The following ADGRE3 variants were observed in gnomAD, a reference collection of about 807,000 sequenced individuals.
ADGRE3 encodes EGF-like module receptor 3.
A neutral mutation model predicts 80.1 loss-of-function variants in ADGRE3; 88 were observed. That is an observed-to-expected ratio of 1.10 (90% CI 0.93 to 1.31). The LOEUF (loss-of-function observed/expected upper bound fraction) is 1.31. Ranked by LOEUF, ADGRE3 falls within the 40% of genes most tolerant of loss-of-function variation. The probability of loss-of-function intolerance (pLI) is 0.00; values close to 1 mark genes in which losing one functional copy is unlikely to be tolerated. For missense variants in ADGRE3, 715 were observed against 776.5 expected (o/e 0.92, Z 0.94); for synonymous variants, 281 against 294.8 (o/e 0.95, Z 0.48).
the ADGRE3 span, among the ~76,000 whole-genome samples, chr19:14,605,695 C>G: frequency 6.6e-6 from 1 of 152,056 alleles, no homozygotes; most frequent in Non-Finnish European, 1.5e-5. Flanking sequence ...TCTTCCCTAT[C>G]TTTTATCTCT....
intron 5 of ADGRE3, among the ~76,000 whole-genome samples, chr19:14,655,543 G>A (rs1040441120): frequency 6.6e-6 from 1 of 151,978 alleles, no homozygotes; most frequent in African/African-American, 2.4e-5. Context: ...GCAACCTCCA[G>A]CTCCTGGGTT....
intron 15 of ADGRE3, among the ~76,000 whole-genome samples, chr19:14,621,370 G>A (rs1476503905): frequency 2.6e-5 from 4 of 151,976 alleles, no homozygotes; most frequent in South Asian, 4.2e-4. Flanking sequence ...CAGGAGAATC[G>A]CTTGAACCCA....
At chr19:14,648,289 G>A (rs1016979091) in intron 7 of ADGRE3, among the ~76,000 whole-genome samples, 6 of 152,026 alleles carry the variant, frequency 3.9e-5, no homozygotes, top group African/African-American at 7.2e-5. Context: ...TGTAAGCATC[G>A]GTGATTCTGC....
In ADGRE3 at chr19:14,667,196, G is replaced by A. The variant is rs538231762; in HGVS notation, c.76+1606C>T. Reference sequence around the variant, plus strand: ...AGGAAATGTGGCTGCTGGTGGCTATGAAGTGAGACTTGGAGCAGACGGAAA... The same window carrying A: ...AGGAAATGTGGCTGCTGGTGGCTATAAAGTGAGACTTGGAGCAGACGGAAA... On this transcript the variant is annotated intron_variant, in intron 2 of 15. Transcript: ENST00000253673. Among the ~76,000 whole-genome samples the A allele has an allele frequency of 1.2e-4, 18 of 152,312 alleles. 1 individual carries two copies. In the South Asian group the frequency reaches 1.9e-3, roughly 16 times the overall value.
At chr19:14,659,031 C>CT (rs1297430774) in intron 4 of ADGRE3, among the ~76,000 whole-genome samples, 21 of 137,680 alleles carry the variant, frequency 1.5e-4, no homozygotes, top group South Asian at 6.9e-4. Context: ...TCGCACCTGG[C>CT]TTTTTTTTTC....
downstream of ADGRE3, among the ~76,000 whole-genome samples, chr19:14,616,792 ATTT>A (rs34403316): frequency 0.011 from 1,414 of 127,464 alleles, 17 homozygotes; most frequent in Admixed American, 0.041. Context: ...TTTTTCTAGA[ATTT>A]TTTTTTTTTT....
intron 13 of ADGRE3, 55 bp downstream of exon 13, chr19:14,632,866 T>C (rs951669844): frequency 4.2e-6 from 5 of 1,188,898 alleles, no homozygotes; most frequent in African/African-American, 1.5e-5. Flanking sequence ...TATGGATATG[T>C]AGGAAGGACT....
intron 11 of ADGRE3, among the ~76,000 whole-genome samples, chr19:14,634,168 T>A (rs1462271588): frequency 6.6e-6 from 1 of 152,230 alleles, no homozygotes; most frequent in Non-Finnish European, 1.5e-5. Flanking sequence ...AATATATATA[T>A]GAAATTTTAT....
chr19:14,671,443 AC>A (rs1298120049), intron 1 of ADGRE3, among the ~76,000 whole-genome samples: 5 of 151,648 alleles, frequency 3.3e-5, no homozygotes, highest in Non-Finnish European at 7.4e-5. Context: ...CTGATCTTCC[AC>A]CTCCCTCTTA....
At chr19:14,652,660 C>T (rs1272452259) in intron 6 of ADGRE3, among the ~76,000 whole-genome samples, 4 of 151,526 alleles carry the variant, frequency 2.6e-5, no homozygotes, top group African/African-American at 9.7e-5. Flanking sequence ...CACCTTTAAT[C>T]CCAGCTACTA....
chr19:14,634,141 T>G (rs1438845599), intron 11 of ADGRE3, among the ~76,000 whole-genome samples: 1 of 152,200 alleles, frequency 6.6e-6, no homozygotes, highest in Non-Finnish European at 1.5e-5. Flanking sequence ...GACAGCCACT[T>G]TCACTTTATA....
At position 14,619,357 on chromosome 19, in the gene ADGRE3, T is replaced by C; in HGVS notation, c.*76A>G. On this transcript the variant is annotated 3_prime_UTR_variant, in exon 16 of 16. Coordinates refer to ENST00000253673, the MANE Select transcript of ADGRE3 (RefSeq NM_032571.5). ...GATGATATGTTTAATGAATTCCCTT[T>C]TCCTTAGCTTCATTCTTCATAATGC... The C allele has an allele frequency of 9.1e-7, 1 of 1,102,486 alleles. No homozygotes were observed. Among genetic ancestry groups the C allele is most frequent in the Non-Finnish European group, 1.4e-6 (1 of 720,920 alleles). 68.3% of individuals were successfully genotyped at this position (1,102,486 alleles called of 1,614,324 possible). A position where few individuals can be genotyped will look rare whatever the true frequency, so the allele number is the denominator to read the frequency against.
chr19:14,640,215 C>T (rs1182869040), intron 10 of ADGRE3, among the ~76,000 whole-genome samples: 1 of 152,142 alleles, frequency 6.6e-6, no homozygotes, highest in Admixed American at 6.6e-5. Flanking sequence ...TTTACAAAGG[C>T]ATTCCTCATA....
chr19:14,636,057 C>CTTCCTTCCTTCCTTCCTTCCT (rs1555755759), intron 11 of ADGRE3, among the ~76,000 whole-genome samples: 5 of 63,684 alleles, frequency 7.9e-5, no homozygotes, highest in African/African-American at 1.8e-4. Context: ...TCCTTCCTTC[C>CTTCCTTCCTTCCTTCCTTCCT]TTCCTTTCCT....
At chr19:14,636,145 T>TCTTTCTTTCTTTCTTTCTTC (rs1971070357) in intron 11 of ADGRE3, among the ~76,000 whole-genome samples, 2 of 22,238 alleles carry the variant, frequency 9.0e-5, no homozygotes, top group African/African-American at 2.4e-4. Context: ...TTTCTTTCTT[T>TCTTTCTTTCTTTCTTTCTTC]CTTTCTTCCT....
At chr19:14,609,558 C>A in the ADGRE3 span, among the ~76,000 whole-genome samples, 2 of 152,268 alleles carry the variant, frequency 1.3e-5, no homozygotes, top group Admixed American at 6.5e-5. Context: ...GATTAAGGGG[C>A]CAGGCACGGT....
intron 6 of ADGRE3, 132 bp from the exon 7 acceptor site, chr19:14,651,336 G>A: frequency 9.9e-7 from 1 of 1,011,058 alleles, no homozygotes; most frequent in Non-Finnish European, 1.5e-6. Context: ...GATTGCTTGG[G>A]CCCAGGAATT....
intron 5 of ADGRE3, among the ~76,000 whole-genome samples, chr19:14,655,728 A>T (rs1229341871): frequency 1.3e-5 from 2 of 151,342 alleles, no homozygotes; most frequent in Non-Finnish European, 2.9e-5. Flanking sequence ...TTCCAAAGTG[A>T]TGGGATTATA....
At chr19:14,650,415 T>C (rs1434576775) in intron 7 of ADGRE3, among the ~76,000 whole-genome samples, 1 of 148,376 alleles carries the variant, frequency 6.7e-6, no homozygotes, top group East Asian at 2.1e-4. Flanking sequence ...GCTGTCCCCA[T>C]CTCTCTCTTT....
Sources: gnomAD v4.1 joint callset for allele counts (sites outside exome capture counted in the v4.1 genomes callset) on GRCh38, gnomAD v4.1.1 for gene constraint, MANE v1.5 for transcripts, NCBI Gene and HGNC (gene_info 2026-07-23, HGNC 2026-07-21) for gene names.